Variants in TGFB2 observed in about 807,000 individuals in gnomAD.
TGFB2 encodes transforming growth factor beta 2, also known as transforming growth factor beta-2 proprotein.
A neutral mutation model predicts 42.7 loss-of-function variants in TGFB2; 13 were observed. The ratio of observed to expected loss-of-function variants is 0.30; its 90% CI spans 0.20 to 0.48. The LOEUF (loss-of-function observed/expected upper bound fraction) is 0.48. TGFB2 is among the 20% of genes least tolerant of loss of function. The probability of loss-of-function intolerance (pLI) is 0.99; values close to 1 mark genes in which losing one functional copy is unlikely to be tolerated. For missense variants in TGFB2, 390 were observed against 517.5 expected, an observed-to-expected ratio of 0.75 and a Z score of 2.39; for synonymous variants, 193 against 193.6, an observed-to-expected ratio of 1.00 and a Z score of 0.03.
At chr1:218,378,567 G>C (rs1403186895) in intron 1 of TGFB2, among the ~76,000 whole-genome samples, 1 of 152,022 alleles carries the variant, frequency 6.6e-6, no homozygotes, top group Non-Finnish European at 1.5e-5. Context: ...TCCCCCCTCG[G>C]CCTCCCAAAG....
intron 2 of TGFB2, among the ~76,000 whole-genome samples, chr1:218,433,342 C>T (rs930803234): frequency 2.0e-5 from 3 of 152,160 alleles, no homozygotes; most frequent in Non-Finnish European, 4.4e-5. Flanking sequence ...GCTGGGATTA[C>T]GGTGAGCCAC....
chr1:218,394,099 C>T (rs555822109), intron 1 of TGFB2, among the ~76,000 whole-genome samples: 5 of 152,082 alleles, frequency 3.3e-5, no homozygotes, highest in Middle Eastern at 3.4e-3. Flanking sequence ...TTAGTAGAGA[C>T]GGGGTTTCAC....
intron 2 of TGFB2, among the ~76,000 whole-genome samples, chr1:218,428,554 G>A (rs1475375983): frequency 1.4e-5 from 2 of 145,498 alleles, no homozygotes; most frequent in African/African-American, 5.1e-5. Context: ...TTCTACATAT[G>A]GCTAGCCAGT....
At chr1:218,394,442 A>T (rs1658429234) in intron 1 of TGFB2, among the ~76,000 whole-genome samples, 1 of 152,086 alleles carries the variant, frequency 6.6e-6, no homozygotes, top group South Asian at 2.1e-4. Context: ...AGAAAACTAA[A>T]CACCATGGGC....
At chr1:218,413,352 C>T (rs1044745844) in intron 2 of TGFB2, among the ~76,000 whole-genome samples, 3 of 152,172 alleles carry the variant, frequency 2.0e-5, no homozygotes, top group Admixed American at 6.5e-5. Flanking sequence ...TCCCGGGTTG[C>T]GTCACTGTTG....
intron 1 of TGFB2, among the ~76,000 whole-genome samples, chr1:218,397,849 G>A (rs1571868611): frequency 2.0e-5 from 3 of 152,198 alleles, no homozygotes; most frequent in Middle Eastern, 3.4e-3. Context: ...TGAGGTAATC[G>A]GTGAGTACCT....
intron 2 of TGFB2, among the ~76,000 whole-genome samples, chr1:218,422,059 TG>T (rs1279775806): frequency 6.6e-6 from 1 of 152,142 alleles, no homozygotes; most frequent in Non-Finnish European, 1.5e-5. Context: ...TGTGGTACTT[TG>T]TTACTACAGT....
intron 2 of TGFB2, among the ~76,000 whole-genome samples, chr1:218,426,003 C>G (rs564010393): frequency 4.6e-5 from 7 of 152,328 alleles, no homozygotes; most frequent in African/African-American, 1.7e-4. Context: ...CATTTAAACA[C>G]TGAACACACT....
intron 2 of TGFB2, among the ~76,000 whole-genome samples, chr1:218,415,699 GAAAAAAAAAAAA>G (rs1174137652): frequency 1.6e-5 from 1 of 61,678 alleles, no homozygotes; most frequent in Non-Finnish European, 3.7e-5. Flanking sequence ...TGTCTCAAAA[GAAAAAAAAAAAA>G]AAAAAAAAAA....
chr1:218,403,523 A>C (rs1280707016), intron 1 of TGFB2, among the ~76,000 whole-genome samples: 4 of 152,158 alleles, frequency 2.6e-5, no homozygotes, highest in Non-Finnish European at 5.9e-5. Context: ...CTATTTTAAG[A>C]TCGGCAAGAT....
chr1:218,355,189 C>T (rs998604657), intron 1 of TGFB2, among the ~76,000 whole-genome samples: 11 of 152,182 alleles, frequency 7.2e-5, no homozygotes, highest in African/African-American at 1.9e-4. Flanking sequence ...CCCGAGCCAC[C>T]GTGCCCAGCC....
intron 2 of TGFB2, among the ~76,000 whole-genome samples, chr1:218,411,864 CAAAA>C (rs34140547): frequency 1.0e-4 from 9 of 88,774 alleles, no homozygotes; most frequent in African/African-American, 3.0e-4. Context: ...AATTCAGTCT[CAAAA>C]AAAAAAAAAA....
At chr1:218,350,156 T>C (rs1173698472) in intron 1 of TGFB2, among the ~76,000 whole-genome samples, 2 of 152,202 alleles carry the variant, frequency 1.3e-5, no homozygotes, top group South Asian at 4.1e-4. Context: ...ATTCAAATAA[T>C]TGACATGTAA....
At chr1:218,422,200 GT>G (rs1040607661) in intron 2 of TGFB2, among the ~76,000 whole-genome samples, 2 of 150,992 alleles carry the variant, frequency 1.3e-5, no homozygotes, top group Admixed American at 6.6e-5. Flanking sequence ...CTTTCTTCTT[GT>G]TTTTTTTGTT....
At chr1:218,411,665 T>G (rs1659102156) in intron 2 of TGFB2, among the ~76,000 whole-genome samples, 1 of 151,040 alleles carries the variant, frequency 6.6e-6, no homozygotes, top group Non-Finnish European at 1.5e-5. Context: ...AGCCCAGGAG[T>G]TCAAGCCTGG....
chr1:218,380,170 C>T (rs1310726516), intron 1 of TGFB2, among the ~76,000 whole-genome samples: 2 of 152,204 alleles, frequency 1.3e-5, no homozygotes, highest in African/African-American at 4.8e-5. Flanking sequence ...TCAGCACTCA[C>T]TCGCATTCAT....
intron 1 of TGFB2, among the ~76,000 whole-genome samples, chr1:218,400,159 G>A (rs1658665886): frequency 6.6e-6 from 1 of 151,798 alleles, no homozygotes; most frequent in Non-Finnish European, 1.5e-5. Flanking sequence ...GCTTCGGCAG[G>A]GCTAGCTACA....
At chr1:218,349,700 G>A (rs1656807968) in intron 1 of TGFB2, among the ~76,000 whole-genome samples, 1 of 152,186 alleles carries the variant, frequency 6.6e-6, no homozygotes, top group African/African-American at 2.4e-5. Context: ...ATAAAGTTCA[G>A]ACTACATATT....
At chr1:218,430,300 C>A (rs1274056434) in intron 2 of TGFB2, among the ~76,000 whole-genome samples, 1 of 151,522 alleles carries the variant, frequency 6.6e-6, no homozygotes, top group Non-Finnish European at 1.5e-5. Flanking sequence ...GAGTCTGAGG[C>A]GAGAGAATCA....
Sources: allele counts gnomAD v4.1 joint callset (sites outside exome capture counted in the v4.1 genomes callset), GRCh38; gene constraint gnomAD v4.1.1; transcripts MANE v1.5; gene names NCBI Gene and HGNC (gene_info 2026-07-23, HGNC 2026-07-21).